GRM7: variants seen among roughly 807,000 people sequenced by gnomAD.
The protein encoded by GRM7 is glutamate metabotropic receptor 7.
In GRM7, 35 loss-of-function variants were observed where a neutral mutation model predicts 84.5. That is an observed-to-expected ratio of 0.41 (90% CI 0.32 to 0.55). GRM7 has a LOEUF of 0.55. Ranked by LOEUF, GRM7 falls within the 20% of genes least tolerant of loss-of-function variation. The pLI, the probability that GRM7 is intolerant of heterozygous loss-of-function variation, is 0.19. For synonymous variants in GRM7, 487 were observed against 455.1 expected, an observed-to-expected ratio of 1.07 and a Z score of -0.89; for missense variants, 1,003 against 1,194.6, an observed-to-expected ratio of 0.84 and a Z score of 2.36.
intron 1 of GRM7, among the ~76,000 whole-genome samples, chr3:6,864,088 C>G (rs1342927019): frequency 1.3e-5 from 2 of 152,142 alleles, no homozygotes; most frequent in African/African-American, 4.8e-5. Flanking sequence ...TTAGCGTTAG[C>G]GTTATGGCTG....
At chr3:7,653,545 C>A (rs1416032713) in intron 8 of GRM7, among the ~76,000 whole-genome samples, 1 of 152,164 alleles carries the variant, frequency 6.6e-6, no homozygotes, top group Non-Finnish European at 1.5e-5. Context: ...CTAACCCCTG[C>A]CCCTCAAGTC....
chr3:7,739,710 T>A (rs1032292735), intron 9 of GRM7, among the ~76,000 whole-genome samples: 1 of 152,154 alleles, frequency 6.6e-6, no homozygotes, highest in African/African-American at 2.4e-5. Flanking sequence ...AGGTGAGTCC[T>A]GAAATCACTG....
intron 4 of GRM7, among the ~76,000 whole-genome samples, chr3:7,414,539 G>C (rs747645607): frequency 6.6e-6 from 1 of 152,094 alleles, no homozygotes; most frequent in Non-Finnish European, 1.5e-5. Context: ...CCTCGTCCCT[G>C]CTCATCTGGA....
chr3:7,686,208 A>G, intron 9 of GRM7: 1 of 500,922 alleles, frequency 2.0e-6, no homozygotes, highest in Admixed American at 3.3e-5. Flanking sequence ...GACCTGGTCT[A>G]CCAAAGGATA....
At chr3:7,261,877 C>T (rs922390415) in intron 2 of GRM7, among the ~76,000 whole-genome samples, 2 of 151,704 alleles carry the variant, frequency 1.3e-5, no homozygotes, top group East Asian at 2.0e-4. Flanking sequence ...ACAAAGTTCT[C>T]TGTCAGAATT....
chr3:7,502,306 G>C (rs1473503675), intron 7 of GRM7, among the ~76,000 whole-genome samples: 1 of 152,098 alleles, frequency 6.6e-6, no homozygotes, highest in East Asian at 1.9e-4. Flanking sequence ...ATATATTCCT[G>C]TTTTAATATA....
intron 2 of GRM7, among the ~76,000 whole-genome samples, chr3:7,281,238 ATTC>A (rs1434505860): frequency 1.3e-5 from 2 of 152,150 alleles, no homozygotes; most frequent in Admixed American, 1.3e-4. Context: ...AAATTTCCAG[ATTC>A]TTTTTTTAAA....
intron 8 of GRM7, among the ~76,000 whole-genome samples, chr3:7,580,804 T>G (rs1695212335): frequency 1.3e-5 from 2 of 152,120 alleles, no homozygotes; most frequent in South Asian, 4.1e-4. Context: ...GAAACCAACT[T>G]GAATATCATT....
chr3:7,342,673 T>C (rs1422105605), intron 4 of GRM7, among the ~76,000 whole-genome samples: 5 of 152,162 alleles, frequency 3.3e-5, no homozygotes, highest in Non-Finnish European at 5.9e-5. Context: ...AGAATCTAAC[T>C]CAACATATCT....
At chr3:6,931,943 T>C (rs1697516320) in intron 1 of GRM7, among the ~76,000 whole-genome samples, 1 of 152,210 alleles carries the variant, frequency 6.6e-6, no homozygotes, top group Non-Finnish European at 1.5e-5. Flanking sequence ...TAAATTATTA[T>C]GATGCAATGA....
chr3:7,301,432 C>T (rs1264287842), intron 3 of GRM7, among the ~76,000 whole-genome samples: 2 of 152,092 alleles, frequency 1.3e-5, no homozygotes, highest in African/African-American at 4.8e-5. Flanking sequence ...TCTTATAAGT[C>T]CTTTTAACAC....
At position 7,158,802 on chromosome 3, in the gene GRM7, C is replaced by G. The variant is rs925843230; in HGVS notation, c.736+12134C>G. On this transcript the variant is annotated intron_variant, in intron 2 of 9. Coordinates refer to ENST00000357716, the MANE Select transcript of GRM7 (RefSeq NM_000844.4). ...AAATTTTATTATAAATCTCACCTCTCTAGAGAGTCTTTTAGCCTACGCTGT... is the reference window on the plus strand; with the variant it reads ...AAATTTTATTATAAATCTCACCTCTGTAGAGAGTCTTTTAGCCTACGCTGT... Among the ~76,000 whole-genome samples the G allele has an allele frequency of 8.3e-4, 127 of 152,280 alleles. 1 individual carries two copies. The highest frequency in any genetic ancestry group is 3.0e-3 in the African/African-American group (126 of 41,564).
At chr3:6,937,476 A>T (rs1697731841) in intron 1 of GRM7, among the ~76,000 whole-genome samples, 1 of 152,122 alleles carries the variant, frequency 6.6e-6, no homozygotes, top group Admixed American at 6.6e-5. Flanking sequence ...TCTTGACATG[A>T]ATGCATCTAG....
intron 8 of GRM7, among the ~76,000 whole-genome samples, chr3:7,654,084 C>T (rs1699075739): frequency 8.5e-6 from 1 of 117,256 alleles, no homozygotes; most frequent in Admixed American, 8.4e-5. Context: ...TTAGGTTCCT[C>T]TTCAAATTCT....
chr3:7,173,186 G>A (rs141084981), intron 2 of GRM7, among the ~76,000 whole-genome samples: 460 of 152,206 alleles, frequency 3.0e-3, no homozygotes, highest in South Asian at 0.014. Flanking sequence ...TAGTCACAAT[G>A]CCCCTCTAAG....
chr3:7,053,891 A>G (rs753941138), intron 1 of GRM7, among the ~76,000 whole-genome samples: 10 of 151,136 alleles, frequency 6.6e-5, no homozygotes, highest in Non-Finnish European at 1.2e-4. Context: ...TTTAATTTCT[A>G]TAGAATTCTC....
chr3:7,118,232 A>G (rs1693104985), intron 1 of GRM7, among the ~76,000 whole-genome samples: 2 of 151,868 alleles, frequency 1.3e-5, no homozygotes, highest in Non-Finnish European at 2.9e-5. Flanking sequence ...CAAAAAATAA[A>G]AAATAAAAAT....
chr3:7,199,457 G>T (rs542213242), intron 2 of GRM7, among the ~76,000 whole-genome samples: 1 of 152,344 alleles, frequency 6.6e-6, no homozygotes, highest in South Asian at 2.1e-4. Flanking sequence ...CCGTAAGGTT[G>T]TTTATTTAAA....
intron 4 of GRM7, among the ~76,000 whole-genome samples, chr3:7,369,022 T>TTGTTGTG (rs1191998169): frequency 6.6e-6 from 1 of 152,092 alleles, no homozygotes; most frequent in Non-Finnish European, 1.5e-5. Flanking sequence ...TGTCACACTG[T>TTGTTGTG]TCTCCCTTTC....
Sources: gnomAD v4.1 joint callset for allele counts (sites outside exome capture counted in the v4.1 genomes callset) on GRCh38, gnomAD v4.1.1 for gene constraint, MANE v1.5 for transcripts, NCBI Gene and HGNC (gene_info 2026-07-23, HGNC 2026-07-21) for gene names.